The following PDE1C variants were observed in gnomAD, a reference collection of about 807,000 sequenced individuals.
The protein encoded by PDE1C is dual specificity calcium/calmodulin-dependent 3',5'-cyclic nucleotide phosphodiesterase 1C.
PDE1C carries 62 observed loss-of-function variants against 93.1 expected under a neutral mutation model. That is an observed-to-expected ratio of 0.67 (90% confidence interval 0.54 to 0.82). The LOEUF (loss-of-function observed/expected upper bound fraction) is 0.82. Ranked by LOEUF, PDE1C falls within the 40% of genes least tolerant of loss-of-function variation. The probability of loss-of-function intolerance (pLI) is 0.00; values close to 1 mark genes in which losing one functional copy is unlikely to be tolerated. For synonymous variants in PDE1C, 325 were observed against 310.1 expected, an observed-to-expected ratio of 1.05 and a Z score of -0.50; for missense variants, 742 against 884.6, an observed-to-expected ratio of 0.84 and a Z score of 2.04.
intron 2 of PDE1C, among the ~76,000 whole-genome samples, chr7:32,034,054 CTGTG>C (rs5883321): frequency 0.17 from 25,846 of 148,272 alleles, 2,349 homozygotes; most frequent in East Asian, 0.32. Context: ...AGATGAGAGA[CTGTG>C]TGTGTGTGTG....
intron 2 of PDE1C, among the ~76,000 whole-genome samples, chr7:31,963,232 C>A (rs2129035564): frequency 6.6e-6 from 1 of 152,210 alleles, no homozygotes; most frequent in Middle Eastern, 3.4e-3. Context: ...TCAATCCTCA[C>A]AGTAAGTCTT....
the PDE1C span, among the ~76,000 whole-genome samples, chr7:31,618,868 A>C: frequency 6.6e-6 from 1 of 152,204 alleles, no homozygotes; most frequent in Non-Finnish European, 1.5e-5. Context: ...TTTATTATAA[A>C]ATATGCTTTG....
chr7:31,749,794 G>A (rs1794084362), downstream of PDE1C, among the ~76,000 whole-genome samples: 1 of 143,992 alleles, frequency 6.9e-6, no homozygotes, highest in Admixed American at 7.3e-5. Context: ...CTGGAGTGCA[G>A]TAGCACCATC....
At chr7:31,733,067 T>A in the PDE1C span, among the ~76,000 whole-genome samples, 1 of 152,230 alleles carries the variant, frequency 6.6e-6, no homozygotes, top group African/African-American at 2.4e-5. Flanking sequence ...TTTTCTTTTG[T>A]TCCCTGGATC....
chr7:32,387,460 A>G (rs9768031), intron 1 of PDE1C, among the ~76,000 whole-genome samples: 14 of 146,918 alleles, frequency 9.5e-5, no homozygotes, highest in East Asian at 6.2e-4. Flanking sequence ...GCCGGGCAGA[A>G]GCGCCCCTCA....
chr7:31,702,955 C>T, the PDE1C span, among the ~76,000 whole-genome samples: 9 of 152,126 alleles, frequency 5.9e-5, no homozygotes, highest in South Asian at 2.1e-4. Flanking sequence ...TCCCAGTATA[C>T]GAAATTGAAC....
Position 32,415,271 on chromosome 7 carries a change from C to T in PDE1C, c.310+12551G>A, listed in dbSNP as rs1357257713. ...TTCGAGACCAACCTGGACAACGTAG[C>T]GAAACCCAGTATCCACTAAAAATTC... On this transcript the variant is annotated intron_variant, in intron 1 of 1. Coordinates refer to the PDE1C transcript ENST00000672256. Among the ~76,000 whole-genome samples the T allele has an allele frequency of 3.9e-5, 6 of 152,018 alleles. No homozygotes were observed. The South Asian group carries it at 1.0e-3, about 26-fold the overall frequency.
chr7:31,955,286 C>T (rs535615025), intron 2 of PDE1C, among the ~76,000 whole-genome samples: 1 of 152,296 alleles, frequency 6.6e-6, no homozygotes, highest in South Asian at 2.1e-4. Context: ...ACACTGATAT[C>T]TACTATGCCC....
intron 2 of PDE1C, among the ~76,000 whole-genome samples, chr7:31,916,302 T>G (rs1801906115): frequency 6.6e-6 from 1 of 152,190 alleles, no homozygotes; most frequent in Non-Finnish European, 1.5e-5. Flanking sequence ...ACATGGTGAT[T>G]TGCACATCTC....
intron 3 of PDE1C, among the ~76,000 whole-genome samples, chr7:32,106,263 C>G (rs1365292671): frequency 6.6e-6 from 1 of 152,010 alleles, no homozygotes; most frequent in Non-Finnish European, 1.5e-5. Flanking sequence ...AAGCAGGCAG[C>G]CTCCCAAAGT....
the PDE1C span, among the ~76,000 whole-genome samples, chr7:31,673,133 G>C: frequency 1.3e-5 from 2 of 152,144 alleles, no homozygotes; most frequent in East Asian, 3.8e-4. Context: ...ATAGCAGTGT[G>C]AAAATGGACT....
chr7:32,162,307 A>T (rs1416390886), intron 3 of PDE1C, among the ~76,000 whole-genome samples: 1 of 152,216 alleles, frequency 6.6e-6, no homozygotes, highest in African/African-American at 2.4e-5. Flanking sequence ...CAGAATATCC[A>T]GGCCAGTAGC....
At chr7:31,998,178 C>T (rs1784985503) in intron 2 of PDE1C, among the ~76,000 whole-genome samples, 1 of 151,918 alleles carries the variant, frequency 6.6e-6, no homozygotes, top group Non-Finnish European at 1.5e-5. Flanking sequence ...TGCCACTATG[C>T]CCAGCTAATT....
chr7:32,062,589 C>T (rs1303188316), intron 1 of PDE1C, among the ~76,000 whole-genome samples: 1 of 152,224 alleles, frequency 6.6e-6, no homozygotes, highest in Non-Finnish European at 1.5e-5. Context: ...GAGAAGCCTT[C>T]TCTGAATCCC....
intron 2 of PDE1C, among the ~76,000 whole-genome samples, chr7:31,908,929 A>T (rs1322040360): frequency 6.6e-6 from 1 of 152,230 alleles, no homozygotes; most frequent in Non-Finnish European, 1.5e-5. Context: ...GCCTTAAAGC[A>T]TAACTGAGGC....
intron 1 of PDE1C, among the ~76,000 whole-genome samples, chr7:32,387,556 C>T (rs1784655959): frequency 2.1e-5 from 3 of 145,036 alleles, no homozygotes; most frequent in African/African-American, 7.7e-5. Flanking sequence ...CAGAGGGGTC[C>T]TCACTTCCCA....
chr7:31,988,995 CAAAAAAAAAAA>C (rs36081234), intron 2 of PDE1C, among the ~76,000 whole-genome samples: 12 of 34,160 alleles, frequency 3.5e-4, no homozygotes, highest in East Asian at 9.8e-4. Flanking sequence ...AACTTCTTCT[CAAAAAAAAAAA>C]AAAAAAAAAA....
At chr7:32,240,109 A>C (rs1471014979) in intron 1 of PDE1C, among the ~76,000 whole-genome samples, 1 of 152,182 alleles carries the variant, frequency 6.6e-6, no homozygotes, top group African/African-American at 2.4e-5. Flanking sequence ...TTACATGTGA[A>C]AGCTGTTTGT....
At chr7:32,129,088 C>T (rs1308781809) in intron 3 of PDE1C, among the ~76,000 whole-genome samples, 1 of 150,690 alleles carries the variant, frequency 6.6e-6, no homozygotes, top group Non-Finnish European at 1.5e-5. Flanking sequence ...TTATTTTCTA[C>T]AAAAATAGAC....
Sources: allele counts gnomAD v4.1 joint callset (sites outside exome capture counted in the v4.1 genomes callset), GRCh38; gene constraint gnomAD v4.1.1; transcripts MANE v1.5; gene names NCBI Gene and HGNC (gene_info 2026-07-23, HGNC 2026-07-21).